Variants in NRG3 observed in about 807,000 individuals in gnomAD.
The protein encoded by NRG3 is neuregulin 3, also known as pro-neuregulin-3, membrane-bound isoform.
Under a neutral mutation model 66.9 loss-of-function variants are expected in NRG3, and 31 were observed. The ratio of observed to expected loss-of-function variants is 0.46; its 90% CI spans 0.35 to 0.63. NRG3 has a LOEUF of 0.63. Ranked by LOEUF, NRG3 falls within the 20% of genes least tolerant of loss-of-function variation. The pLI, the probability that NRG3 is intolerant of heterozygous loss-of-function variation, is 0.00. For synonymous variants in NRG3, 393 were observed against 359.4 expected (o/e 1.09, Z -1.06); for missense variants, 910 against 878.9 (o/e 1.04, Z -0.45).
intron 1 of NRG3, among the ~76,000 whole-genome samples, chr10:82,285,981 C>G (rs975088881): frequency 6.6e-6 from 1 of 152,098 alleles, no homozygotes; most frequent in African/African-American, 2.4e-5. Flanking sequence ...ACTGTTGATT[C>G]TTTGGTGATA....
chr10:82,973,994 G>A, intron 7 of NRG3, 79 bp downstream of exon 7: 2 of 1,522,152 alleles, frequency 1.3e-6, no homozygotes, highest in South Asian at 2.3e-5. Flanking sequence ...AGGACTGGCA[G>A]CATGACTTAG....
At chr10:82,410,097 A>G (rs1380197129) in intron 2 of NRG3, among the ~76,000 whole-genome samples, 1 of 152,052 alleles carries the variant, frequency 6.6e-6, no homozygotes, top group Non-Finnish European at 1.5e-5. Context: ...CCAGGCCCAA[A>G]GAGAAGAAAC....
rs182736345 is a variant in NRG3, at chr10:82,027,021, C to T, written c.823+150858C>T. On this transcript the variant is annotated intron_variant, in intron 1 of 8. Transcript: ENST00000372141. ...TATTTCTGTTAATTCATGGGGGCAG[C>T]TAATGATTTTAAATAAGGTAGTTTT... 3.8e-3 allele frequency among the ~76,000 whole-genome samples: 584 copies of T among 152,090 alleles called. 3 individuals are homozygous for T. Among genetic ancestry groups the T allele is most frequent in the African/African-American group, 0.013 (558 of 41,514 alleles).
intron 2 of NRG3, among the ~76,000 whole-genome samples, chr10:82,504,698 GT>G (rs1189145504): frequency 6.6e-6 from 1 of 152,144 alleles, no homozygotes; most frequent in Non-Finnish European, 1.5e-5. Context: ...CAAATACAAA[GT>G]AAGCGCCATC....
intron 1 of NRG3, among the ~76,000 whole-genome samples, chr10:82,275,321 G>A (rs61863042): frequency 0.13 from 20,216 of 151,800 alleles, 1,420 homozygotes; most frequent in African/African-American, 0.15. Flanking sequence ...TTTTGTAAAC[G>A]TTTACCTTGG....
At chr10:82,054,745 G>A (rs1402194188) in intron 1 of NRG3, among the ~76,000 whole-genome samples, 1 of 151,986 alleles carries the variant, frequency 6.6e-6, no homozygotes, top group Non-Finnish European at 1.5e-5. Context: ...AGGAAGAGAA[G>A]TGTTTGAATT....
chr10:82,894,483 C>A (rs1248447874), intron 4 of NRG3, among the ~76,000 whole-genome samples: 1 of 152,126 alleles, frequency 6.6e-6, no homozygotes, highest in Non-Finnish European at 1.5e-5. Context: ...GTGTCAACAT[C>A]TCCCATTTTC....
intron 8 of NRG3, among the ~76,000 whole-genome samples, chr10:82,980,180 G>A (rs1852712165): frequency 6.6e-6 from 1 of 151,210 alleles, no homozygotes; most frequent in African/African-American, 2.4e-5. Context: ...ACTCCAACCT[G>A]GGTGACAGAG....
intron 1 of NRG3, among the ~76,000 whole-genome samples, chr10:82,219,608 T>C (rs2133756784): frequency 6.6e-6 from 1 of 152,264 alleles, no homozygotes; most frequent in Non-Finnish European, 1.5e-5. Context: ...TAGTGTATCA[T>C]AGCAAATTAG....
chr10:82,171,999 T>C (rs1188862870), intron 1 of NRG3, among the ~76,000 whole-genome samples: 1 of 152,084 alleles, frequency 6.6e-6, no homozygotes, highest in Non-Finnish European at 1.5e-5. Flanking sequence ...GTAAATGGAA[T>C]TTGGGCTAAT....
chr10:82,175,542 C>A (rs184525767), intron 1 of NRG3, among the ~76,000 whole-genome samples: 1 of 152,046 alleles, frequency 6.6e-6, no homozygotes, highest in Admixed American at 6.6e-5. Flanking sequence ...ACTGTTCTAC[C>A]TGGGAAACTA....
chr10:82,469,610 G>C (rs767982742), intron 2 of NRG3, among the ~76,000 whole-genome samples: 3 of 152,186 alleles, frequency 2.0e-5, no homozygotes, highest in Admixed American at 6.5e-5. Flanking sequence ...GGTATGCATG[G>C]CATATCAGGG....
intron 1 of NRG3, among the ~76,000 whole-genome samples, chr10:82,029,127 T>C (rs983236542): frequency 3.3e-5 from 5 of 152,030 alleles, no homozygotes; most frequent in Non-Finnish European, 5.9e-5. Flanking sequence ...GAGAATTGCT[T>C]TAACCTGGGA....
intron 1 of NRG3, among the ~76,000 whole-genome samples, chr10:81,911,515 C>G (rs987111245): frequency 6.6e-6 from 1 of 151,178 alleles, no homozygotes; most frequent in African/African-American, 2.4e-5. Flanking sequence ...GGTTTAAGCC[C>G]GAAAAAGGTA....
At chr10:81,887,676 G>A (rs941407797) in intron 1 of NRG3, among the ~76,000 whole-genome samples, 1 of 152,230 alleles carries the variant, frequency 6.6e-6, no homozygotes, top group African/African-American at 2.4e-5. Flanking sequence ...TAGGGCACAT[G>A]ACCCATAAGT....
chr10:82,377,135 A>G (rs2085292908), intron 2 of NRG3, among the ~76,000 whole-genome samples: 1 of 152,158 alleles, frequency 6.6e-6, no homozygotes, highest in African/African-American at 2.4e-5. Flanking sequence ...ATGTGAATTT[A>G]AATTTTACTT....
At chr10:82,008,458 T>C (rs1159969360) in intron 1 of NRG3, among the ~76,000 whole-genome samples, 1 of 152,194 alleles carries the variant, frequency 6.6e-6, no homozygotes, top group Admixed American at 6.5e-5. Flanking sequence ...AGAAAAATGA[T>C]TGAGGACAGC....
chr10:82,564,380 C>T (rs1257666402), intron 2 of NRG3, among the ~76,000 whole-genome samples: 3 of 152,060 alleles, frequency 2.0e-5, no homozygotes, highest in Admixed American at 1.3e-4. Context: ...TTAATTTTTG[C>T]TCAGGAAATT....
At chr10:82,547,640 T>C (rs2044017034) in intron 2 of NRG3, among the ~76,000 whole-genome samples, 1 of 151,942 alleles carries the variant, frequency 6.6e-6, no homozygotes, top group South Asian at 2.1e-4. Flanking sequence ...TGTGTGTATA[T>C]ATATATATTT....
Sources: gnomAD v4.1 joint callset for allele counts (sites outside exome capture counted in the v4.1 genomes callset) on GRCh38, gnomAD v4.1.1 for gene constraint, MANE v1.5 for transcripts, NCBI Gene and HGNC (gene_info 2026-07-23, HGNC 2026-07-21) for gene names.